Variants in CA10 observed in about 807,000 individuals in gnomAD.
CA10 encodes carbonic anhydrase-related protein 10.
A neutral mutation model predicts 44.2 loss-of-function variants in CA10; 14 were observed. The observed-to-expected ratio is 0.32, with a 90% CI of 0.21 to 0.50. The LOEUF (loss-of-function observed/expected upper bound fraction) is 0.50, where lower values mean the gene tolerates loss of function less well. CA10 is among the 20% of genes least tolerant of loss of function. The pLI, the probability that CA10 is intolerant of heterozygous loss-of-function variation, is 0.99. For missense variants in CA10, 350 were observed against 409.7 expected (o/e 0.85, Z 1.26); for synonymous variants, 159 against 141.6 (o/e 1.12, Z -0.87).
chr17:51,798,668 A>G (rs1456219620), intron 3 of CA10, among the ~76,000 whole-genome samples: 3 of 152,236 alleles, frequency 2.0e-5, no homozygotes, highest in Non-Finnish European at 4.4e-5. Context: ...TTAAAGTTGC[A>G]TTGTCACTAG....
At chr17:51,794,292 G>A (rs1906629513) in intron 3 of CA10, among the ~76,000 whole-genome samples, 1 of 152,196 alleles carries the variant, frequency 6.6e-6, no homozygotes, top group Admixed American at 6.5e-5. Context: ...AGGGGTGTAA[G>A]AACTGGAAAG....
At chr17:51,708,310 C>T (rs532331726) in intron 4 of CA10, among the ~76,000 whole-genome samples, 56 of 152,300 alleles carry the variant, frequency 3.7e-4, no homozygotes, top group African/African-American at 1.3e-3. Flanking sequence ...GCTGATGGGA[C>T]ACAGGGAAGG....
At chr17:52,134,447 C>T (rs185999663) in intron 1 of CA10, among the ~76,000 whole-genome samples, 10 of 152,254 alleles carry the variant, frequency 6.6e-5, no homozygotes, top group Admixed American at 4.6e-4. Context: ...TATTTAATAT[C>T]ACTGAGTCTC....
chr17:52,014,705 G>A (rs933353718), intron 2 of CA10, among the ~76,000 whole-genome samples: 3 of 151,258 alleles, frequency 2.0e-5, no homozygotes, highest in East Asian at 3.9e-4. Flanking sequence ...GGGCACATAA[G>A]TGATATAATA....
At chr17:51,633,222 C>T (rs907673982) in intron 8 of CA10, among the ~76,000 whole-genome samples, 2 of 152,148 alleles carry the variant, frequency 1.3e-5, no homozygotes, top group Non-Finnish European at 2.9e-5. Flanking sequence ...TTGCCATCTA[C>T]CTACCGTCCA....
chr17:51,646,212 A>G (rs1913329476), intron 6 of CA10, among the ~76,000 whole-genome samples: 1 of 152,144 alleles, frequency 6.6e-6, no homozygotes, highest in African/African-American at 2.4e-5. Context: ...TGAAGCCTTG[A>G]TTTTTCCCAT....
chr17:52,159,961 G>T (rs1989906160), upstream of CA10: 1 of 152,138 alleles, frequency 6.6e-6, no homozygotes, highest in African/African-American at 2.4e-5. Context: ...GGAGCGTAGA[G>T]GGAATCCCTG....
rs117892435 is a variant in CA10, at chr17:51,633,402, C to A, written c.964+74G>T. ...TCCTATAATGGAAGATAATGCCAGG[C>A]CTTTAAGAACAGGTCTAAGCAGAAA... On this transcript the variant is annotated intron_variant, in intron 8 of 8. Transcript: ENST00000451037. 2,397 of 1,335,308 alleles carry A rather than the reference C, an allele frequency of 1.8e-3. 75 individuals carry two copies. In the East Asian group the frequency reaches 0.048, roughly 27 times the overall value. The allele number at this position is 1,335,308 out of a possible 1,614,324, so 82.7% of individuals were successfully genotyped here.
chr17:52,059,064 C>T (rs1297336688), intron 2 of CA10, among the ~76,000 whole-genome samples: 2 of 152,098 alleles, frequency 1.3e-5, no homozygotes, highest in African/African-American at 2.4e-5. Flanking sequence ...ACATCACCCT[C>T]TCATACTGAG....
intron 3 of CA10, among the ~76,000 whole-genome samples, chr17:51,771,045 A>G: frequency 6.8e-6 from 1 of 146,612 alleles, no homozygotes; most frequent in South Asian, 2.2e-4. Flanking sequence ...AATCGCTTGA[A>G]CCCAGGAAGC....
At chr17:51,777,686 G>A (rs1448331328) in intron 3 of CA10, among the ~76,000 whole-genome samples, 1 of 152,224 alleles carries the variant, frequency 6.6e-6, no homozygotes, top group Non-Finnish European at 1.5e-5. Context: ...GTTCACGCCT[G>A]TAATCCCAGC....
At chr17:51,649,031 C>T (rs2143267336) in intron 6 of CA10, 151 bp downstream of exon 6, 2 of 603,032 alleles carry the variant, frequency 3.3e-6, no homozygotes, top group East Asian at 2.8e-5. Flanking sequence ...GCTTCTTAGC[C>T]AAACCCTAAT....
intron 3 of CA10, among the ~76,000 whole-genome samples, chr17:51,895,138 T>C (rs969259102): frequency 1.3e-5 from 2 of 152,108 alleles, no homozygotes; most frequent in East Asian, 3.8e-4. Flanking sequence ...ACCACACTCT[T>C]ATCTACTTGC....
At chr17:52,058,479 A>G (rs1184084036) in intron 2 of CA10, among the ~76,000 whole-genome samples, 4 of 152,136 alleles carry the variant, frequency 2.6e-5, no homozygotes, top group Admixed American at 6.6e-5. Context: ...TTGGAACACA[A>G]TGGAGTGGGA....
At chr17:51,995,095 G>A (rs968194600) in intron 2 of CA10, among the ~76,000 whole-genome samples, 6 of 152,062 alleles carry the variant, frequency 3.9e-5, no homozygotes, top group Middle Eastern at 3.4e-3. Flanking sequence ...ACAAATAGGC[G>A]TAGCCATATA....
intron 4 of CA10, among the ~76,000 whole-genome samples, 168 bp downstream of exon 4, chr17:51,747,465 T>G (rs1904729828): frequency 6.6e-6 from 1 of 152,250 alleles, no homozygotes; most frequent in African/African-American, 2.4e-5. Flanking sequence ...AGCTTGTTAT[T>G]GACTTCGATG....
intron 1 of CA10, among the ~76,000 whole-genome samples, chr17:52,121,617 T>C (rs924258876): frequency 3.3e-5 from 5 of 151,144 alleles, no homozygotes; most frequent in African/African-American, 1.2e-4. Flanking sequence ...CCTCTGGAAA[T>C]CACATAAAAT....
At chr17:51,741,582 C>T (rs1904462004) in intron 4 of CA10, among the ~76,000 whole-genome samples, 3 of 152,088 alleles carry the variant, frequency 2.0e-5, no homozygotes, top group Admixed American at 6.5e-5. Flanking sequence ...GATTTTTGTT[C>T]CTGGGACACA....
chr17:51,732,202 A>T (rs1916745597), intron 4 of CA10, among the ~76,000 whole-genome samples: 2 of 152,192 alleles, frequency 1.3e-5, no homozygotes, highest in Non-Finnish European at 2.9e-5. Flanking sequence ...GAAACGAAGG[A>T]GAGGGAGAAC....
Sources: allele counts gnomAD v4.1 joint callset (sites outside exome capture counted in the v4.1 genomes callset), GRCh38; gene constraint gnomAD v4.1.1; transcripts MANE v1.5; gene names NCBI Gene and HGNC (gene_info 2026-07-23, HGNC 2026-07-21).